The following MECOM variants were observed in gnomAD, a reference collection of about 807,000 sequenced individuals.
MECOM encodes the protein histone-lysine N-methyltransferase MECOM.
MECOM carries 13 observed loss-of-function variants against 116.3 expected under a neutral mutation model. The ratio of observed to expected loss-of-function variants is 0.11; its 90% CI spans 0.07 to 0.18. The LOEUF (loss-of-function observed/expected upper bound fraction) is 0.18. MECOM is among the 10% of genes least tolerant of loss of function. The probability of loss-of-function intolerance (pLI) is 1.00; values close to 1 mark genes in which losing one functional copy is unlikely to be tolerated. For missense variants in MECOM, 1,299 were observed against 1,509.0 expected, an observed-to-expected ratio of 0.86 and a Z score of 2.31; for synonymous variants, 528 against 535.2, an observed-to-expected ratio of 0.99 and a Z score of 0.19.
At chr3:169,440,198 G>A (rs1743367939) in intron 1 of MECOM, among the ~76,000 whole-genome samples, 1 of 117,318 alleles carries the variant, frequency 8.5e-6, no homozygotes, top group Non-Finnish European at 1.8e-5. Context: ...TATCATATAT[G>A]TTATGTTTTA....
At chr3:169,131,674 T>G (rs922086255) in intron 3 of MECOM, 143 bp from the exon 4 acceptor site, 23 of 729,656 alleles carry the variant, frequency 3.2e-5, no homozygotes, top group African/African-American at 1.8e-4. Flanking sequence ...AAAAGAAGTG[T>G]GATTTCCTGT....
intron 1 of MECOM, among the ~76,000 whole-genome samples, chr3:169,467,618 C>T (rs922850860): frequency 6.6e-6 from 1 of 152,120 alleles, no homozygotes; most frequent in Non-Finnish European, 1.5e-5. Flanking sequence ...GAAATTAATC[C>T]TTCAAATAGC....
In MECOM at chr3:169,085,000, T is replaced by C; in HGVS notation, c.3629A>G (p.His1210Arg). Residue 1210 changes from histidine to arginine, a missense_variant, in exon 17 of 17, where the codon CAT (histidine) becomes CGT (arginine). Transcript: ENST00000651503. ...GTTGGAAGAACTGTGGGATGTAGAATGGAGGGACTCCTTGTCAGACAGTGA... is the reference window on the plus strand; with the variant it reads ...GTTGGAAGAACTGTGGGATGTAGAACGGAGGGACTCCTTGTCAGACAGTGA... ...MLSLSDKESL[H>R]STSHSSSNVW... 1 of 1,614,132 alleles carries C rather than the reference T, an allele frequency of 6.2e-7. No individual in the cohort carries two copies. The highest frequency in any genetic ancestry group is 8.5e-7 in the Non-Finnish European group (1 of 1,180,000).
chr3:169,180,707 C>T (rs933318275), intron 2 of MECOM, among the ~76,000 whole-genome samples: 1 of 150,120 alleles, frequency 6.7e-6, no homozygotes, highest in Non-Finnish European at 1.5e-5. Flanking sequence ...CAGACTTGCA[C>T]TTTCTTATTG....
chr3:169,501,647 G>A (rs910601586), intron 1 of MECOM, among the ~76,000 whole-genome samples: 16 of 151,982 alleles, frequency 1.1e-4, no homozygotes, highest in Admixed American at 2.0e-4. Context: ...TTCCTATGCC[G>A]TTGACAAGAT....
chr3:169,440,032 G>A (rs1285774446), intron 1 of MECOM, among the ~76,000 whole-genome samples: 1 of 152,086 alleles, frequency 6.6e-6, no homozygotes, highest in Non-Finnish European at 1.5e-5. Context: ...AATGATTAAA[G>A]TTCAGAGGAG....
chr3:169,182,225 C>T (rs934383450), intron 2 of MECOM, among the ~76,000 whole-genome samples: 4 of 152,182 alleles, frequency 2.6e-5, no homozygotes, highest in Non-Finnish European at 5.9e-5. Flanking sequence ...TAAATGTCTG[C>T]ATATTTTAAC....
chr3:169,302,142 T>C (rs368868064), intron 2 of MECOM, among the ~76,000 whole-genome samples: 11 of 152,332 alleles, frequency 7.2e-5, no homozygotes, highest in African/African-American at 2.4e-4. Context: ...ACTCCAGCAA[T>C]AGCTGAACTT....
chr3:169,426,464 G>T (rs920334002), intron 1 of MECOM, among the ~76,000 whole-genome samples: 1 of 152,178 alleles, frequency 6.6e-6, no homozygotes, highest in Admixed American at 6.5e-5. Context: ...CAGGAGATTG[G>T]CAAATGGCAT....
Position 169,545,129 on chromosome 3 carries a change from G to A in MECOM, c.37+118207C>T, listed in dbSNP as rs12488214. 4.5e-3 allele frequency among the ~76,000 whole-genome samples: 688 copies of A among 152,252 alleles called. 16 individuals carry two copies. Among genetic ancestry groups the A allele is most frequent in the Admixed American group, 0.038 (581 of 15,296 alleles). On this transcript the variant is annotated intron_variant, in intron 1 of 16. Coordinates refer to ENST00000651503, the MANE Select transcript of MECOM (RefSeq NM_004991.4). ...TAACACAGCATTGTACATGGAAGAA[G>A]GTATTATTTGTATCAGCTGCTAAAT...
chr3:169,646,515 G>C (rs1007068934), intron 1 of MECOM, among the ~76,000 whole-genome samples: 2 of 152,048 alleles, frequency 1.3e-5, no homozygotes, highest in South Asian at 4.2e-4. Context: ...GAGCTCATTA[G>C]GCTTTCCTTA....
At chr3:169,492,398 G>A (rs981782780) in intron 1 of MECOM, among the ~76,000 whole-genome samples, 1 of 151,964 alleles carries the variant, frequency 6.6e-6, no homozygotes, top group Admixed American at 6.6e-5. Flanking sequence ...TATAGGTTTG[G>A]CCAACCTCAG....
At chr3:169,098,630 G>A (rs1722510444) in intron 12 of MECOM, among the ~76,000 whole-genome samples, 1 of 152,150 alleles carries the variant, frequency 6.6e-6, no homozygotes. Flanking sequence ...TTTTGCAGAA[G>A]ATATTTTGGG....
chr3:169,493,229 C>T (rs185058232), intron 1 of MECOM, among the ~76,000 whole-genome samples: 3 of 152,094 alleles, frequency 2.0e-5, no homozygotes, highest in Admixed American at 6.5e-5. Context: ...CAGAACTCAC[C>T]GTTAATATGG....
intron 2 of MECOM, among the ~76,000 whole-genome samples, chr3:169,191,062 C>T (rs988186604): frequency 6.6e-6 from 1 of 151,980 alleles, no homozygotes; most frequent in African/African-American, 2.4e-5. Context: ...TGACTCCTTA[C>T]CATCCCTACT....
chr3:169,389,193 C>A (rs1448117897), intron 1 of MECOM, among the ~76,000 whole-genome samples: 2 of 152,314 alleles, frequency 1.3e-5, no homozygotes, highest in East Asian at 3.9e-4. Context: ...ATGGGCTTCG[C>A]CTCTTCCAAA....
intron 5 of MECOM, among the ~76,000 whole-genome samples, chr3:169,123,875 C>A (rs1432401547): frequency 2.0e-5 from 3 of 152,042 alleles, no homozygotes; most frequent in African/African-American, 4.8e-5. Flanking sequence ...AAAACACAAA[C>A]AGAACCCCAA....
At chr3:169,199,091 A>C (rs1441473107) in intron 2 of MECOM, among the ~76,000 whole-genome samples, 1 of 152,114 alleles carries the variant, frequency 6.6e-6, no homozygotes, top group Non-Finnish European at 1.5e-5. Flanking sequence ...TGTCAATTTA[A>C]AACTGATATT....
At chr3:169,656,876 T>G (rs1775603626) in intron 1 of MECOM, among the ~76,000 whole-genome samples, 1 of 152,242 alleles carries the variant, frequency 6.6e-6, no homozygotes, top group Non-Finnish European at 1.5e-5. Context: ...AGTATGTACT[T>G]CTTAGAACAA....
Sources: gnomAD v4.1 joint callset for allele counts (sites outside exome capture counted in the v4.1 genomes callset) on GRCh38, gnomAD v4.1.1 for gene constraint, MANE v1.5 for transcripts, NCBI Gene and HGNC (gene_info 2026-07-23, HGNC 2026-07-21) for gene names.